The following CNTLN variants were observed in gnomAD, a reference collection of about 807,000 sequenced individuals.
CNTLN encodes centlein, centrosomal protein.
A neutral mutation model predicts 180.0 loss-of-function variants in CNTLN; 212 were observed. The ratio of observed to expected loss-of-function variants is 1.18; its 90% CI spans 1.05 to 1.32. The LOEUF (loss-of-function observed/expected upper bound fraction) is 1.32. CNTLN is among the 40% of genes most tolerant of loss of function. The probability of loss-of-function intolerance (pLI) is 0.00; values close to 1 mark genes in which losing one functional copy is unlikely to be tolerated. For synonymous variants in CNTLN, 722 were observed against 563.1 expected (o/e 1.28, Z -3.99); for missense variants, 2,095 against 1,610.9 (o/e 1.30, Z -5.14).
intron 2 of CNTLN, among the ~76,000 whole-genome samples, chr9:17,155,273 C>T (rs577236898): frequency 4.1e-4 from 63 of 152,320 alleles, no homozygotes; most frequent in Non-Finnish European, 7.4e-4. Context: ...GAACCAATTC[C>T]GGACACAGTA....
chr9:17,288,649 C>G (rs889624490), intron 6 of CNTLN, among the ~76,000 whole-genome samples: 2 of 135,252 alleles, frequency 1.5e-5, no homozygotes, highest in African/African-American at 6.3e-5. Flanking sequence ...GTCTAAGTCT[C>G]TTTGTAGGTC....
intron 23 of CNTLN, among the ~76,000 whole-genome samples, chr9:17,483,970 A>C (rs1018301187): frequency 1.3e-5 from 2 of 152,230 alleles, no homozygotes; most frequent in Non-Finnish European, 2.9e-5. Flanking sequence ...TCTTAGTGTT[A>C]GGTCAACTAG....
At chr9:17,470,738 C>G (rs1306783050) in intron 23 of CNTLN, among the ~76,000 whole-genome samples, 3 of 151,980 alleles carry the variant, frequency 2.0e-5, no homozygotes, top group Non-Finnish European at 2.9e-5. Flanking sequence ...ATGTGAGAGT[C>G]ATTTGCCAAG....
intron 8 of CNTLN, among the ~76,000 whole-genome samples, chr9:17,323,896 G>A (rs963493319): frequency 6.6e-6 from 1 of 152,162 alleles, no homozygotes; most frequent in Non-Finnish European, 1.5e-5. Flanking sequence ...TTTTGATAAT[G>A]CAATCAGGAA....
chr9:17,480,593 T>A (rs1832592071), intron 23 of CNTLN, among the ~76,000 whole-genome samples: 1 of 152,166 alleles, frequency 6.6e-6, no homozygotes, highest in Non-Finnish European at 1.5e-5. Flanking sequence ...TGTGGAACAT[T>A]CACAGAAACT....
chr9:17,164,140 C>T (rs1303369994), intron 2 of CNTLN, among the ~76,000 whole-genome samples: 1 of 151,740 alleles, frequency 6.6e-6, no homozygotes, highest in African/African-American at 2.4e-5. Context: ...GGCGAAAACC[C>T]ATCTCTACTA....
At position 17,258,592 on chromosome 9, in the gene CNTLN, G is replaced by C. The variant is rs892830226; in HGVS notation, c.850-15141G>C. Among the ~76,000 whole-genome samples the C allele has an allele frequency of 1.6e-3, 240 of 150,574 alleles. 5 individuals carry two copies. The highest frequency in any genetic ancestry group is 5.7e-3 in the African/African-American group (231 of 40,192). Reference sequence around the variant, plus strand: ...GCAGTATGGCCATTTTCACGATATTGATTCTTCCTACCCATGAACATGGAA... The same window carrying C: ...GCAGTATGGCCATTTTCACGATATTCATTCTTCCTACCCATGAACATGGAA... On this transcript the variant is annotated intron_variant, in intron 5 of 25. Coordinates refer to ENST00000380647, the MANE Select transcript of CNTLN (RefSeq NM_017738.4).
intron 1 of CNTLN, among the ~76,000 whole-genome samples, chr9:17,143,060 A>T (rs1818215298): frequency 1.3e-5 from 2 of 152,250 alleles, no homozygotes; most frequent in African/African-American, 4.8e-5. Context: ...GCATTTCAAC[A>T]GTTGCATCCC....
intron 2 of CNTLN, among the ~76,000 whole-genome samples, chr9:17,188,946 A>G (rs1336698383): frequency 3.3e-5 from 5 of 151,286 alleles, no homozygotes; most frequent in Non-Finnish European, 5.9e-5. Flanking sequence ...TTGGTTTGAT[A>G]CTTGACATTA....
chr9:17,325,265 T>G (rs996704431), intron 8 of CNTLN, among the ~76,000 whole-genome samples: 6 of 141,580 alleles, frequency 4.2e-5, no homozygotes, highest in Admixed American at 1.4e-4. Context: ...AATGTTTACT[T>G]TATTAATTGG....
Position 17,502,598 on chromosome 9 carries a change from T to G in CNTLN, c.4167T>G (p.Asn1389Lys), listed in dbSNP as rs755446811. 7.1e-7 allele frequency: 1 copy of G among 1,415,846 alleles called. No individual in the cohort carries two copies. The allele number at this position is 1,415,846 out of a possible 1,614,324, so 87.7% of individuals were successfully genotyped here. ...TAGAAGCAGTACTGGAAAAAATAAATGAAAAAAAGAAACTAGTTGAAGGAT... is the reference window on the plus strand; with the variant it reads ...TAGAAGCAGTACTGGAAAAAATAAAGGAAAAAAAGAAACTAGTTGAAGGAT... ...YLLEAVLEKINEKKKLVEGYF... is the reference protein window; with the variant it reads ...YLLEAVLEKIKEKKKLVEGYF... Residue 1389 changes from asparagine (N) to lysine (K), a missense_variant, in exon 26 of 26, where the codon AAT becomes AAG. By Grantham distance (94) the Asn-to-Lys change is moderately conservative. Coordinates refer to ENST00000380647, the MANE Select transcript of CNTLN (RefSeq NM_017738.4).
chr9:17,465,490 A>C (rs1226667323), intron 21 of CNTLN, among the ~76,000 whole-genome samples: 1 of 150,176 alleles, frequency 6.7e-6, no homozygotes, highest in South Asian at 2.1e-4. Context: ...CTGAAAAACT[A>C]TTTTTTCTGT....
At chr9:17,203,713 C>T (rs371963161) in intron 2 of CNTLN, among the ~76,000 whole-genome samples, 10 of 152,120 alleles carry the variant, frequency 6.6e-5, no homozygotes, top group African/African-American at 9.7e-5. Flanking sequence ...CCCGCCACCA[C>T]GCCCGGCTAA....
intron 13 of CNTLN, among the ~76,000 whole-genome samples, chr9:17,375,318 A>T (rs573700665): frequency 3.9e-5 from 6 of 152,368 alleles, no homozygotes; most frequent in Middle Eastern, 3.4e-3. Context: ...TTACAAAAAA[A>T]ATAGTTGGAA....
intron 2 of CNTLN, among the ~76,000 whole-genome samples, chr9:17,199,773 C>T (rs149942102): frequency 7.9e-5 from 12 of 151,958 alleles, no homozygotes; most frequent in African/African-American, 2.4e-4. Context: ...CAAAAATTTT[C>T]TCCCATTTTG....
intron 6 of CNTLN, among the ~76,000 whole-genome samples, chr9:17,274,495 ATCTATCTATGTATCTT>A (rs1307889289): frequency 0.012 from 1,817 of 147,348 alleles, 44 homozygotes; most frequent in African/African-American, 0.043. Flanking sequence ...CTATCTATCT[ATCTATCTATGTATCTT>A]TCTATCTATC....
In CNTLN at chr9:17,205,888, A is replaced by G. The variant is rs189630959; in HGVS notation, c.450-20315A>G. ...CAGATCAACAGGCCAAAATTCCACCATAACTGCAAACTTAAATGCAGATGA... is the reference window on the plus strand; with the variant it reads ...CAGATCAACAGGCCAAAATTCCACCGTAACTGCAAACTTAAATGCAGATGA... On this transcript the variant is annotated intron_variant, in intron 2 of 25. Coordinates refer to ENST00000380647, the MANE Select transcript of CNTLN (RefSeq NM_017738.4). Among the ~76,000 whole-genome samples, 69 of 152,334 alleles carry G rather than the reference A, an allele frequency of 4.5e-4. 2 individuals carry two copies. The highest frequency in any genetic ancestry group is 3.9e-3 in the East Asian group (20 of 5,188).
Position 17,473,009 on chromosome 9 carries a change from C to A in CNTLN, c.3855+6118C>A, listed in dbSNP as rs1832116170. ...GTCACTTTCTTGCATATATCCTCAACTTCCTCATATGTCCCTTTGTCATAT... is the reference window on the plus strand; with the variant it reads ...GTCACTTTCTTGCATATATCCTCAAATTCCTCATATGTCCCTTTGTCATAT... On this transcript the variant is annotated intron_variant, in intron 23 of 25. Transcript: ENST00000380647. 2.0e-5 allele frequency among the ~76,000 whole-genome samples: 3 copies of A among 152,256 alleles called. No individual in the cohort carries two copies. In the South Asian group the frequency reaches 6.2e-4, roughly 32 times the overall value.
chr9:17,503,271 C>G lies in CNTLN; in HGVS notation c.*619C>G, dbSNP rs942158940. On this transcript the variant is annotated 3_prime_UTR_variant, in exon 26 of 26. Coordinates refer to ENST00000380647, the MANE Select transcript of CNTLN (RefSeq NM_017738.4). ...TCTCTCTTAACTTCACAATACTATA[C>G]GTTGTGTAGTCATATAAATTTGCAG... The G allele has an allele frequency of 6.6e-6, 1 of 152,130 alleles. No homozygotes were observed. Among genetic ancestry groups the G allele is most frequent in the East Asian group, 1.9e-4 (1 of 5,200 alleles). The allele number at this position is 152,130 out of a possible 1,614,324, so 9.4% of individuals were successfully genotyped here. A position where few individuals can be genotyped will look rare whatever the true frequency, so the allele number is the denominator to read the frequency against.
Sources: allele counts gnomAD v4.1 joint callset (sites outside exome capture counted in the v4.1 genomes callset), GRCh38; gene constraint gnomAD v4.1.1; transcripts MANE v1.5; gene names NCBI Gene and HGNC (gene_info 2026-07-23, HGNC 2026-07-21).